GATAD2A: variants seen among roughly 807,000 people sequenced by gnomAD.
GATAD2A encodes transcriptional repressor p66-alpha.
A neutral mutation model predicts 68.5 loss-of-function variants in GATAD2A; 12 were observed. The observed-to-expected ratio is 0.18, with a 90% CI of 0.11 to 0.28. The LOEUF (loss-of-function observed/expected upper bound fraction) is 0.28, where lower values mean the gene tolerates loss of function less well. GATAD2A is among the 10% of genes least tolerant of loss of function. The pLI, the probability that GATAD2A is intolerant of heterozygous loss-of-function variation, is 1.00. For missense variants in GATAD2A, 755 were observed against 868.5 expected, an observed-to-expected ratio of 0.87 and a Z score of 1.64; for synonymous variants, 410 against 375.3, an observed-to-expected ratio of 1.09 and a Z score of -1.07.
chr19:19,492,774 C>G (rs1600277196), intron 4 of GATAD2A, 62 bp downstream of exon 4: 1 of 1,560,154 alleles, frequency 6.4e-7, no homozygotes, highest in Non-Finnish European at 8.8e-7. Context: ...CCTTGATCCC[C>G]TCATCAATGT....
chr19:19,452,428 T>C (rs2056487780), intron 1 of GATAD2A, among the ~76,000 whole-genome samples: 1 of 152,074 alleles, frequency 6.6e-6, no homozygotes, highest in Non-Finnish European at 1.5e-5. Flanking sequence ...GACGGAAGAA[T>C]GTGTTAGTTC....
At chr19:19,444,339 C>A (rs2055444918) in intron 1 of GATAD2A, among the ~76,000 whole-genome samples, 1 of 152,094 alleles carries the variant, frequency 6.6e-6, no homozygotes. Context: ...GATCTAGGGA[C>A]CCAGCGAACA....
intron 1 of GATAD2A, among the ~76,000 whole-genome samples, chr19:19,427,200 G>A (rs2053200804): frequency 6.6e-6 from 1 of 152,124 alleles, no homozygotes; most frequent in Non-Finnish European, 1.5e-5. Context: ...GTAAGTTCTG[G>A]AGATGGATGG....
chr19:19,488,311 C>G (rs1165574503), intron 2 of GATAD2A, among the ~76,000 whole-genome samples: 3 of 152,200 alleles, frequency 2.0e-5, no homozygotes, highest in Non-Finnish European at 2.9e-5. Flanking sequence ...TTCCTTTTAT[C>G]CAGGGGTTCC....
At chr19:19,504,774 G>T (rs532098281) in intron 11 of GATAD2A, among the ~76,000 whole-genome samples, 72 of 151,668 alleles carry the variant, frequency 4.7e-4, no homozygotes, top group African/African-American at 1.6e-3. Context: ...TCAGCCTCTG[G>T]AGTAACTGGG....
chr19:19,504,492 C>T (rs531685669), intron 11 of GATAD2A, among the ~76,000 whole-genome samples: 16 of 151,978 alleles, frequency 1.1e-4, no homozygotes, highest in African/African-American at 3.9e-4. Flanking sequence ...CCTTACTGGA[C>T]GCATTAAAAT....
rs560747221 is a variant in GATAD2A, at chr19:19,426,542, G to T, written c.-7+20523G>T. 7.2e-5 allele frequency among the ~76,000 whole-genome samples: 11 copies of T among 152,156 alleles called. 1 individual carries two copies. In the South Asian group the frequency reaches 1.9e-3, roughly 26 times the overall value. On this transcript the variant is annotated intron_variant, in intron 1 of 11. Coordinates refer to ENST00000683918, the MANE Select transcript of GATAD2A (RefSeq NM_001384528.1). ...TTTTATTTTTTTGAGATAGAATCTTGCTCTTTTGCCCAGGCTGGAATACAG... is the reference window on the plus strand; with the variant it reads ...TTTTATTTTTTTGAGATAGAATCTTTCTCTTTTGCCCAGGCTGGAATACAG...
intron 1 of GATAD2A, chr19:19,440,268 T>C: frequency 4.1e-6 from 1 of 243,710 alleles, no homozygotes; most frequent in Non-Finnish European, 8.0e-6. Flanking sequence ...TATTTTTTAT[T>C]TTTATTTATT....
At chr19:19,492,178 G>A (rs1194252237) in intron 2 of GATAD2A, 128 bp from the exon 3 acceptor site, 3 of 947,948 alleles carry the variant, frequency 3.2e-6, no homozygotes, top group African/African-American at 3.3e-5. Context: ...CAGGGCAGGG[G>A]ATGTGGAGGA....
intron 2 of GATAD2A, among the ~76,000 whole-genome samples, chr19:19,486,390 C>T (rs1225802455): frequency 6.6e-6 from 1 of 152,202 alleles, no homozygotes; most frequent in Non-Finnish European, 1.5e-5. Flanking sequence ...CCTGCATGCT[C>T]CTATCCCCTT....
intron 2 of GATAD2A, among the ~76,000 whole-genome samples, chr19:19,489,040 C>T (rs1486699838): frequency 6.6e-6 from 1 of 152,224 alleles, no homozygotes; most frequent in Admixed American, 6.5e-5. Context: ...TGCCTGCAAT[C>T]ATTTTGAGCC....
intron 2 of GATAD2A, among the ~76,000 whole-genome samples, chr19:19,475,491 C>G (rs1600229729): frequency 2.2e-4 from 1 of 4,622 alleles, no homozygotes; most frequent in Non-Finnish European, 4.6e-4. Flanking sequence ...AGCCCCCCCC[C>G]CTCCACTGCC....
chr19:19,484,550 T>TG (rs2059303130), intron 2 of GATAD2A, among the ~76,000 whole-genome samples: 1 of 147,086 alleles, frequency 6.8e-6, no homozygotes, highest in South Asian at 2.2e-4. Context: ...TTTTTTTTTT[T>TG]GAGACGGAGT....
At position 19,508,143 on chromosome 19, in the gene GATAD2A, G is replaced by A. The variant is rs2060946041; in HGVS notation, c.*2669G>A. 6.6e-6 allele frequency: 1 copy of A among 152,252 alleles called. No homozygotes were observed. The highest frequency in any genetic ancestry group is 1.5e-5 in the Non-Finnish European group (1 of 68,076). 9.4% of individuals were successfully genotyped at this position (152,252 alleles called of 1,614,324 possible). On this transcript the variant is annotated 3_prime_UTR_variant, in exon 12 of 12. Coordinates refer to ENST00000683918, the MANE Select transcript of GATAD2A (RefSeq NM_001384528.1). Reference sequence around the variant, plus strand: ...ATTGTAACTGTCCCCTGTTACCTGTGACATGAACCTCCAACAGCACCTGGA... The same window carrying A: ...ATTGTAACTGTCCCCTGTTACCTGTAACATGAACCTCCAACAGCACCTGGA...
intron 1 of GATAD2A, among the ~76,000 whole-genome samples, chr19:19,442,200 C>T (rs1356829201): frequency 6.6e-6 from 1 of 152,036 alleles, no homozygotes; most frequent in Non-Finnish European, 1.5e-5. Context: ...AATTCTCATT[C>T]TGCATTGGGA....
At chr19:19,468,925 G>A (rs117933817) in intron 2 of GATAD2A, among the ~76,000 whole-genome samples, 62 of 152,270 alleles carry the variant, frequency 4.1e-4, no homozygotes, top group Non-Finnish European at 7.1e-4. Flanking sequence ...CCAACCAAAG[G>A]CTTTGAATGA....
At chr19:19,432,478 T>G (rs1414496226) in intron 1 of GATAD2A, among the ~76,000 whole-genome samples, 1 of 152,112 alleles carries the variant, frequency 6.6e-6, no homozygotes, top group African/African-American at 2.4e-5. Flanking sequence ...ATTTTGTATT[T>G]TTAGTAGAGA....
At chr19:19,440,348 G>T in intron 1 of GATAD2A, 1 of 193,104 alleles carries the variant, frequency 5.2e-6, no homozygotes, top group South Asian at 9.4e-5. Flanking sequence ...TCAGCTCATT[G>T]CAATCTCCGC....
At chr19:19,403,646 G>A (rs960649240), upstream of GATAD2A, among the ~76,000 whole-genome samples, 9 of 152,136 alleles carry the variant, frequency 5.9e-5, no homozygotes, top group African/African-American at 2.2e-4. Flanking sequence ...TCTGTCTCAA[G>A]TGTCAGGTCT....
Sources: gnomAD v4.1 joint callset for allele counts (sites outside exome capture counted in the v4.1 genomes callset) on GRCh38, gnomAD v4.1.1 for gene constraint, MANE v1.5 for transcripts, NCBI Gene and HGNC (gene_info 2026-07-23, HGNC 2026-07-21) for gene names.